The following ADCY3 variants were observed in gnomAD, a reference collection of about 807,000 sequenced individuals.
The protein encoded by ADCY3 is adenylate cyclase type 3.
In ADCY3, 70 loss-of-function variants were observed where a neutral mutation model predicts 119.4. The ratio of observed to expected loss-of-function variants is 0.59; its 90% CI spans 0.48 to 0.72. The LOEUF is 0.72. Among genes scored for constraint, ADCY3 ranks in the 30% least tolerant of loss-of-function variants. The probability of loss-of-function intolerance (pLI) is 0.00; values close to 1 mark genes in which losing one functional copy is unlikely to be tolerated. For missense variants in ADCY3, 1,238 were observed against 1,541.6 expected, an observed-to-expected ratio of 0.80 and a Z score of 3.30; for synonymous variants, 672 against 621.4, an observed-to-expected ratio of 1.08 and a Z score of -1.21.
At chr2:24,905,509 C>T (rs1160271196) in intron 2 of ADCY3, among the ~76,000 whole-genome samples, 1 of 152,118 alleles carries the variant, frequency 6.6e-6, no homozygotes, top group African/African-American at 2.4e-5. Flanking sequence ...GCTGAGGGTC[C>T]GACACCCCAG....
intron 2 of ADCY3, among the ~76,000 whole-genome samples, chr2:24,903,199 C>A (rs1049758931): frequency 2.6e-4 from 40 of 151,346 alleles, no homozygotes; most frequent in Non-Finnish European, 8.8e-5. Flanking sequence ...GTGTGGGGGG[C>A]AGCACCCCTA....
At chr2:24,895,051 G>A (rs775275812) in intron 2 of ADCY3, among the ~76,000 whole-genome samples, 1 of 151,514 alleles carries the variant, frequency 6.6e-6, no homozygotes, top group Non-Finnish European at 1.5e-5. Context: ...TCTTTATTAA[G>A]CAATCTGATT....
chr2:24,848,095 C>T (rs991147774), intron 3 of ADCY3, among the ~76,000 whole-genome samples: 1 of 152,238 alleles, frequency 6.6e-6, no homozygotes. Context: ...TGGCCATAAA[C>T]TGGCCCCAAA....
intron 20 of ADCY3, 97 bp downstream of exon 20, chr2:24,821,420 C>T (rs1667693201): frequency 6.6e-7 from 1 of 1,526,616 alleles, no homozygotes; most frequent in African/African-American, 1.4e-5. Context: ...CCCGAATTGC[C>T]TCAGTTGTCC....
chr2:24,838,550 G>A lies in ADCY3; in HGVS notation c.1428C>T (p.Gly476=). 1 of 1,614,170 alleles carries A rather than the reference G, an allele frequency of 6.2e-7. No individual in the cohort carries two copies. Among genetic ancestry groups the A allele is most frequent in the Admixed American group, 1.7e-5 (1 of 60,032 alleles). Reference sequence around the variant, plus strand: ...TCTCTTCTAGGTAATCACAGCGGCTGCCCCCATCGCCTGGCTCCACATCAA... The same window carrying A: ...TCTCTTCTAGGTAATCACAGCGGCTACCCCCATCGCCTGGCTCCACATCAA... ...GEFDVEPGDG[G]SRCDYLEEKG... Residue 476 remains glycine, a synonymous_variant, in exon 8 of 22, where the codon GGC becomes GGT. Transcript: ENST00000679454.
intron 2 of ADCY3, among the ~76,000 whole-genome samples, chr2:24,902,886 C>G (rs2149001721): frequency 6.6e-6 from 1 of 152,198 alleles, no homozygotes; most frequent in South Asian, 2.1e-4. Context: ...AAAAAATTAG[C>G]CGAGTGTTGT....
intron 6 of ADCY3, chr2:24,840,571 A>T: frequency 2.1e-6 from 1 of 467,836 alleles, no homozygotes; most frequent in Non-Finnish European, 4.4e-6. Flanking sequence ...AGAAGGGGGT[A>T]AAGAGCAGGC....
Position 24,898,741 on chromosome 2 carries a change from A to C in ADCY3, c.675+19572T>G, listed in dbSNP as rs1678572645. Among the ~76,000 whole-genome samples the C allele has an allele frequency of 6.6e-6, 1 of 152,164 alleles. No individual in the cohort carries two copies. The highest frequency in any genetic ancestry group is 1.9e-4 in the East Asian group (1 of 5,186). ...TGGGGAGACAACCCTTGCCTGGGGA[A>C]GCCTGGGAGGTTCGGGGAAGCAAAC... is the stretch of plus-strand genomic sequence containing the variant. On this transcript the variant is annotated intron_variant, in intron 2 of 21. Coordinates refer to ENST00000679454, the MANE Select transcript of ADCY3 (RefSeq NM_004036.5). This position sits in a 1 kb window ranked among gnomAD's most constrained non-coding sequence, Gnocchi z 4.3.
rs184922142 is a variant in ADCY3 at position 24,829,969 on chromosome 2, G to C, written c.2172+740C>G. On this transcript the variant is annotated intron_variant, in intron 13 of 21. Transcript: ENST00000679454. The stretch of plus-strand genomic sequence containing the variant: ...CCCCCTCAGGGAGGAAGAATACACA[G>C]GACTGGGACTTAGAACTGCCTCCAT... 4.9e-3 allele frequency among the ~76,000 whole-genome samples: 736 copies of C among 151,432 alleles called. 23 individuals carry two copies. The highest frequency in any genetic ancestry group is 0.016 in the African/African-American group (668 of 41,184).
At chr2:24,907,038 G>A (rs1662932989) in intron 2 of ADCY3, among the ~76,000 whole-genome samples, 1 of 152,170 alleles carries the variant, frequency 6.6e-6, no homozygotes, top group African/African-American at 2.4e-5. Context: ...GGCTGAGGCA[G>A]GAGAATCACT....
chr2:24,917,917 A>G (rs1029241877), intron 2 of ADCY3, among the ~76,000 whole-genome samples: 1 of 152,238 alleles, frequency 6.6e-6, no homozygotes, highest in African/African-American at 2.4e-5. Flanking sequence ...GAGTCCACAC[A>G]GCTAGTCAGT....
chr2:24,887,226 T>C (rs569956090), intron 2 of ADCY3, among the ~76,000 whole-genome samples: 1 of 152,280 alleles, frequency 6.6e-6, no homozygotes, highest in East Asian at 1.9e-4. Context: ...CATCGGATCT[T>C]GTGAGAACTC....
intron 9 of ADCY3, among the ~76,000 whole-genome samples, chr2:24,836,227 G>A (rs1010418481): frequency 2.6e-5 from 4 of 152,200 alleles, no homozygotes; most frequent in Non-Finnish European, 4.4e-5. Flanking sequence ...CTGCAACAAG[G>A]AAAAGTTACT....
Position 24,903,752 on chromosome 2 carries a change from G to A in ADCY3, c.675+14561C>T, listed in dbSNP as rs1056968212. 3.9e-5 allele frequency among the ~76,000 whole-genome samples: 6 copies of A among 152,154 alleles called. No homozygotes were observed. The East Asian group carries it at 9.6e-4, about 24-fold the overall frequency. On this transcript the variant is annotated intron_variant, in intron 2 of 21. Transcript: ENST00000679454. ...GGGCACCATGGCAGGGCTCCAGCAC[G>A]GCTCGCCAGCTGAACAGGGAGCGCC... is the stretch of plus-strand genomic sequence containing the variant.
intron 3 of ADCY3, among the ~76,000 whole-genome samples, chr2:24,859,972 G>A (rs1387686880): frequency 1.3e-5 from 2 of 152,204 alleles, no homozygotes; most frequent in Non-Finnish European, 2.9e-5. Context: ...CCTGTCTGAG[G>A]GTGGGCACTG....
intron 2 of ADCY3, among the ~76,000 whole-genome samples, chr2:24,908,424 TAAC>T (rs1296857169): frequency 2.0e-5 from 3 of 152,222 alleles, no homozygotes; most frequent in Non-Finnish European, 4.4e-5. Flanking sequence ...GAAACATTCT[TAAC>T]AATAATCCTT....
intron 2 of ADCY3, among the ~76,000 whole-genome samples, chr2:24,881,505 C>T (rs1211214279): frequency 6.6e-6 from 1 of 152,220 alleles, no homozygotes; most frequent in Non-Finnish European, 1.5e-5. Flanking sequence ...AGGAGACCCC[C>T]CTACAGCATG....
chr2:24,869,176 G>A (rs1401195124), intron 3 of ADCY3, among the ~76,000 whole-genome samples: 2 of 151,850 alleles, frequency 1.3e-5, no homozygotes, highest in African/African-American at 4.8e-5. Flanking sequence ...ATGAAAAAAA[G>A]GAACATCATT....
rs771851785 is a variant in ADCY3, at chr2:24,841,321, G to A, written c.1134C>T (p.Asp378=). 1.6e-5 allele frequency: 26 copies of A among 1,590,560 alleles called. No homozygotes were observed. In the Admixed American group the frequency reaches 4.5e-4, roughly 27 times the overall value. The change falls in exon 6 of 22, where the codon GAC becomes GAT. Residue 378 remains aspartate, a synonymous_variant. Coordinates refer to ENST00000679454, the MANE Select transcript of ADCY3 (RefSeq NM_004036.5). This position sits in a 1 kb window ranked among gnomAD's most constrained non-coding sequence, Gnocchi z 5.8. The stretch of plus-strand genomic sequence containing the variant: ...AGCAGACGGCGTGGTCCTCCCGGTA[G>A]TCGGGCAAGCCGCAGATGCAGTAGT... ...DCYYCICGLP[D]YREDHAVCSI... is the part of the protein sequence containing the mutation.
Sources: allele counts gnomAD v4.1 joint callset (sites outside exome capture counted in the v4.1 genomes callset), GRCh38; gene constraint gnomAD v4.1.1; non-coding constraint Gnocchi (gnomAD v3.1); transcripts MANE v1.5; gene names NCBI Gene and HGNC (gene_info 2026-07-23, HGNC 2026-07-21).